Variants in ABCC1 observed in about 807,000 individuals in gnomAD.
ABCC1 encodes the protein ATP binding cassette subfamily C member 1 (ABCC1 blood group).
ABCC1 carries 83 observed loss-of-function variants against 172.9 expected under a neutral mutation model. The observed-to-expected ratio is 0.48, with a 90% confidence interval of 0.40 to 0.58. The LOEUF is 0.58. Ranked by LOEUF, ABCC1 falls within the 20% of genes least tolerant of loss-of-function variation. The probability of loss-of-function intolerance (pLI) is 0.00; values close to 1 mark genes in which losing one functional copy is unlikely to be tolerated. For synonymous variants in ABCC1, 937 were observed against 825.2 expected, an observed-to-expected ratio of 1.14 and a Z score of -2.32; for missense variants, 1,817 against 2,002.7, an observed-to-expected ratio of 0.91 and a Z score of 1.77.
At chr16:16,008,208 A>AT (rs1029047193) in intron 2 of ABCC1, among the ~76,000 whole-genome samples, 11 of 151,936 alleles carry the variant, frequency 7.2e-5, no homozygotes, top group African/African-American at 2.7e-4. Flanking sequence ...CCTCGAGCAA[A>AT]TTTTTTAACC....
chr16:16,048,032 C>A (rs553743668), intron 9 of ABCC1, 110 bp from the exon 10 acceptor site: 5 of 1,356,210 alleles, frequency 3.7e-6, no homozygotes, highest in Admixed American at 1.9e-5. Flanking sequence ...GAGGAGAGAT[C>A]TGCGGCATTT....
chr16:16,086,621 T>C (rs1400274653), intron 17 of ABCC1, among the ~76,000 whole-genome samples: 2 of 139,646 alleles, frequency 1.4e-5, no homozygotes, highest in Non-Finnish European at 3.0e-5. Context: ...GCTTGGCTAA[T>C]TTTTTCTTTT....
chr16:15,950,642 G>C (rs1057165198), intron 1 of ABCC1, among the ~76,000 whole-genome samples: 5 of 152,194 alleles, frequency 3.3e-5, no homozygotes, highest in Non-Finnish European at 7.3e-5. Context: ...AGTCTTTTGG[G>C]CTTCAGCTTC....
At chr16:16,079,203 G>A in intron 15 of ABCC1, 149 bp from the exon 16 acceptor site, 1 of 1,193,166 alleles carries the variant, frequency 8.4e-7, no homozygotes, top group Non-Finnish European at 1.2e-6. Flanking sequence ...AGAAATGGAA[G>A]GAATGTTGAG....
intron 19 of ABCC1, among the ~76,000 whole-genome samples, chr16:16,100,980 T>G (rs776863327): frequency 8.5e-5 from 13 of 152,062 alleles, no homozygotes; most frequent in Non-Finnish European, 1.6e-4. Flanking sequence ...TAATTTTAAT[T>G]TTTTGGTTTA....
intron 23 of ABCC1, among the ~76,000 whole-genome samples, chr16:16,118,445 C>CTT (rs61199513): frequency 7.9e-6 from 1 of 127,280 alleles, no homozygotes; most frequent in African/African-American, 3.3e-5. Flanking sequence ...TTTTTTTTTT[C>CTT]CCCTGCATTT....
At chr16:16,031,775 G>T (rs541763373) in intron 5 of ABCC1, among the ~76,000 whole-genome samples, 2 of 152,104 alleles carry the variant, frequency 1.3e-5, no homozygotes, top group Non-Finnish European at 2.9e-5. Flanking sequence ...CAGCCCCCAT[G>T]CACTTACTTT....
At chr16:16,081,719 C>T (rs2050811550) in intron 16 of ABCC1, among the ~76,000 whole-genome samples, 1 of 152,038 alleles carries the variant, frequency 6.6e-6, no homozygotes, top group African/African-American at 2.4e-5. Flanking sequence ...TCTAGAATTC[C>T]CTTATTCAAG....
intron 22 of ABCC1, among the ~76,000 whole-genome samples, chr16:16,113,596 A>G (rs1344458817): frequency 6.6e-6 from 1 of 152,150 alleles, no homozygotes; most frequent in Non-Finnish European, 1.5e-5. Context: ...TCGAGGCTGC[A>G]GTGAGCCGTG....
rs184388307 is a variant in ABCC1, at chr16:16,077,357, C to T, written c.1988+956C>T. On this transcript the variant is annotated intron_variant, in intron 15 of 30. Coordinates refer to ENST00000399410, the MANE Select transcript of ABCC1 (RefSeq NM_004996.4). Reference sequence around the variant, plus strand: ...TTAGGAAGTTCTTCCTTATGTCTAACTTAAATCCTGCCTGCTTCAATTGTA... The same window carrying T: ...TTAGGAAGTTCTTCCTTATGTCTAATTTAAATCCTGCCTGCTTCAATTGTA... Among the ~76,000 whole-genome samples, 8 of 152,280 alleles carry T rather than the reference C, an allele frequency of 5.3e-5. No homozygotes were observed. The East Asian group carries it at 1.4e-3, about 26-fold the overall frequency.
intron 23 of ABCC1, among the ~76,000 whole-genome samples, chr16:16,118,902 AAAAG>A (rs1429846385): frequency 3.4e-5 from 5 of 149,068 alleles, no homozygotes; most frequent in Admixed American, 6.6e-5. Context: ...AAAAAAAAAA[AAAAG>A]AGCAAAGGCA....
At chr16:15,983,959 C>T (rs1320952063) in intron 1 of ABCC1, among the ~76,000 whole-genome samples, 1 of 152,150 alleles carries the variant, frequency 6.6e-6, no homozygotes, top group Non-Finnish European at 1.5e-5. Flanking sequence ...TCAAAAGTAA[C>T]CTGGGCCTTT....
At chr16:15,952,258 TTG>T (rs1441687439) in intron 1 of ABCC1, among the ~76,000 whole-genome samples, 2 of 152,114 alleles carry the variant, frequency 1.3e-5, no homozygotes, top group African/African-American at 4.8e-5. Context: ...AAAGATGAAG[TTG>T]TGTGTTTTAA....
At chr16:16,060,399 C>T (rs1377540079) in intron 12 of ABCC1, among the ~76,000 whole-genome samples, 1 of 152,158 alleles carries the variant, frequency 6.6e-6, no homozygotes, top group Non-Finnish European at 1.5e-5. Flanking sequence ...TCTTGTTGCC[C>T]TTCTGTAACT....
upstream of ABCC1, chr16:15,949,528 C>CGGGGCGGGGT (rs1012470268): frequency 1.8e-4 from 1 of 5,446 alleles, no homozygotes; most frequent in East Asian, 3.8e-3. Flanking sequence ...GGCGCCGGGG[C>CGGGGCGGGGT]GGGGCGGGGT....
Position 15,949,653 on chromosome 16 carries a change from GGGCCCGATCACCCGCCGCCCGGTGC to G in ABCC1, c.-98_-74del, listed in dbSNP as rs2045815590. On this transcript the variant is annotated 5_prime_UTR_variant, in exon 1 of 31. Transcript: ENST00000399410. ...GCCGCCAGCGCTAGCGCCAGCAGCC[GGGCCCGATCACCCGCCGCCCGGTGC>G]CCGCCGCCGCCCGCGCCAGCAACCG... is the stretch of plus-strand genomic sequence containing the variant. The G allele has an allele frequency of 1.4e-6, 1 of 718,226 alleles. No individual in the cohort carries two copies. Among genetic ancestry groups the G allele is most frequent in the East Asian group, 1.5e-4 (1 of 6,844 alleles). The allele number at this position is 718,226 out of a possible 1,614,324, so 44.5% of individuals were successfully genotyped here.
intron 30 of ABCC1, 61 bp from the exon 31 acceptor site, chr16:16,141,112 C>A: frequency 6.7e-7 from 1 of 1,491,598 alleles, no homozygotes; most frequent in Non-Finnish European, 9.3e-7. Flanking sequence ...GTCAGTTGTC[C>A]CAGGGGCACG....
chr16:16,013,829 C>T (rs73515994), intron 3 of ABCC1, among the ~76,000 whole-genome samples: 1 of 151,648 alleles, frequency 6.6e-6, no homozygotes, highest in Non-Finnish European at 1.5e-5. Flanking sequence ...GGACCAGCTG[C>T]GGAGAAAAGC....
At chr16:16,072,357 G>C (rs1319520864) in intron 14 of ABCC1, among the ~76,000 whole-genome samples, 1 of 151,792 alleles carries the variant, frequency 6.6e-6, no homozygotes, top group East Asian at 1.9e-4. Context: ...TAATATTTTG[G>C]TATGTTTTGT....
Sources: gnomAD v4.1 joint callset for allele counts (sites outside exome capture counted in the v4.1 genomes callset) on GRCh38, gnomAD v4.1.1 for gene constraint, MANE v1.5 for transcripts, NCBI Gene and HGNC (gene_info 2026-07-23, HGNC 2026-07-21) for gene names.